BANF2: variants seen among roughly 807,000 people sequenced by gnomAD.
The protein encoded by BANF2 is barrier-to-autointegration factor-like protein.
BANF2 carries 4 observed loss-of-function variants against 8.0 expected under a neutral mutation model. That is an observed-to-expected ratio of 0.50 (90% confidence interval 0.25 to 1.14). BANF2 has a LOEUF of 1.14. Among genes scored for constraint, BANF2 ranks in the 50% most tolerant of loss-of-function variants. BANF2 has a pLI of 0.16. For synonymous variants in BANF2, 50 were observed against 40.6 expected (o/e 1.23, Z -0.88); for missense variants, 96 against 107.5 (o/e 0.89, Z 0.47).
intron 1 of BANF2, chr20:17,712,569 A>G: frequency 1.0e-6 from 1 of 973,492 alleles, no homozygotes; most frequent in South Asian, 4.8e-5. Context: ...CGTGCCCATG[A>G]ACGTTCATCT....
intron 1 of BANF2, among the ~76,000 whole-genome samples, chr20:17,707,161 A>G (rs1300573729): frequency 2.6e-5 from 4 of 152,080 alleles, no homozygotes; most frequent in African/African-American, 7.2e-5. Context: ...AGGCAGGCAG[A>G]TCACGAGGTC....
At chr20:17,694,599 C>CTTTTTTTTTTTTTTTTTTTTTT (rs1256251082) in intron 1 of BANF2, among the ~76,000 whole-genome samples, 11 of 82,782 alleles carry the variant, frequency 1.3e-4, no homozygotes, top group South Asian at 6.3e-4. Context: ...TTTTTTCTCT[C>CTTTTTTTTTTTTTTTTTTTTTT]TCTTTTTTTT....
chr20:17,716,307 G>T (rs150382916), intron 1 of BANF2, among the ~76,000 whole-genome samples: 2,920 of 152,196 alleles, frequency 0.019, 43 homozygotes, highest in Non-Finnish European at 0.029. Context: ...CCGACCTTCA[G>T]TGTTATAGGA....
chr20:17,700,223 A>G (rs1228225553), intron 1 of BANF2, among the ~76,000 whole-genome samples, 168 bp downstream of exon 1: 2 of 152,126 alleles, frequency 1.3e-5, no homozygotes, highest in African/African-American at 4.8e-5. Context: ...GACTCACCTG[A>G]TGCACACACC....
intron 2 of BANF2, 92 bp from the exon 3 acceptor site, chr20:17,724,931 C>A: frequency 7.5e-7 from 1 of 1,331,088 alleles, no homozygotes; most frequent in Non-Finnish European, 1.0e-6. Context: ...TGCCCCAGTC[C>A]CTTGGTGGGC....
At chr20:17,698,500 G>C (rs1196001707), upstream of BANF2, among the ~76,000 whole-genome samples, 1 of 152,242 alleles carries the variant, frequency 6.6e-6, no homozygotes, top group African/African-American at 2.4e-5. Context: ...GGGTCCTCTG[G>C]GACATGGAAC....
At chr20:17,724,930 C>T (rs143505064) in intron 2 of BANF2, 93 bp from the exon 3 acceptor site, 1 of 1,321,434 alleles carries the variant, frequency 7.6e-7, no homozygotes, top group African/African-American at 1.5e-5. Flanking sequence ...TTGCCCCAGT[C>T]CCTTGGTGGG....
At chr20:17,708,948 C>T (rs2037527863) in intron 1 of BANF2, among the ~76,000 whole-genome samples, 2 of 152,126 alleles carry the variant, frequency 1.3e-5, no homozygotes, top group South Asian at 2.1e-4. Flanking sequence ...TATAAAACAC[C>T]AAAAGCTATT....
rs2037880459 is a variant in BANF2, at chr20:17,730,605, C to T, written c.127-5060C>T. 2.0e-5 allele frequency among the ~76,000 whole-genome samples: 3 copies of T among 152,218 alleles called. No homozygotes were observed. The South Asian group carries it at 6.2e-4, about 32-fold the overall frequency. On this transcript the variant is annotated intron_variant, in intron 3 of 3. Transcript: ENST00000246090. The stretch of plus-strand genomic sequence containing the variant: ...TAGCCCTACCTCTAGACTCTCCATG[C>T]TCAGGGGCGTCCCATCTCCTCCCTC...
At chr20:17,707,382 C>CAAAAAAAA (rs374719840) in intron 1 of BANF2, among the ~76,000 whole-genome samples, 16 of 142,394 alleles carry the variant, frequency 1.1e-4, no homozygotes, top group East Asian at 2.0e-4. Context: ...GACTCTGTGT[C>CAAAAAAAA]AAAAAAAAGA....
At chr20:17,706,627 T>C (rs949443722) in intron 1 of BANF2, among the ~76,000 whole-genome samples, 4 of 152,188 alleles carry the variant, frequency 2.6e-5, no homozygotes, top group Non-Finnish European at 5.9e-5. Flanking sequence ...AGGGGATCCT[T>C]AAGTGATGGC....
chr20:17,705,352 C>T (rs1427122092), intron 1 of BANF2, among the ~76,000 whole-genome samples: 4 of 152,166 alleles, frequency 2.6e-5, no homozygotes, highest in Non-Finnish European at 4.4e-5. Context: ...AAACAGAGGG[C>T]GGGAGCCTCA....
intron 3 of BANF2, among the ~76,000 whole-genome samples, chr20:17,725,485 C>T (rs2037795579): frequency 6.6e-6 from 1 of 152,228 alleles, no homozygotes; most frequent in Admixed American, 6.5e-5. Context: ...GATTTAGGTG[C>T]ACTCCATGCC....
chr20:17,710,189 C>T (rs1394656009), intron 1 of BANF2, among the ~76,000 whole-genome samples: 1 of 152,226 alleles, frequency 6.6e-6, no homozygotes, highest in East Asian at 1.9e-4. Flanking sequence ...GCCCTGTCCA[C>T]TTGCAGGGCG....
chr20:17,715,916 T>C (rs1440175603), intron 1 of BANF2, among the ~76,000 whole-genome samples: 2 of 152,258 alleles, frequency 1.3e-5, no homozygotes, highest in African/African-American at 2.4e-5. Flanking sequence ...AAATGATTAC[T>C]GGGGACTCTG....
At chr20:17,701,682 G>T (rs1391259712) in intron 1 of BANF2, among the ~76,000 whole-genome samples, 2 of 152,164 alleles carry the variant, frequency 1.3e-5, no homozygotes, top group Non-Finnish European at 2.9e-5. Context: ...AACTCAGGTG[G>T]GTCACGCCTT....
At chr20:17,716,343 CT>C (rs1160736025) in intron 1 of BANF2, among the ~76,000 whole-genome samples, 2 of 151,894 alleles carry the variant, frequency 1.3e-5, no homozygotes, top group South Asian at 2.1e-4. Flanking sequence ...TTTTCTTTTC[CT>C]TTTTTTTCTT....
intron 1 of BANF2, among the ~76,000 whole-genome samples, chr20:17,714,894 A>C (rs2037629056): frequency 6.6e-6 from 1 of 152,144 alleles, no homozygotes; most frequent in Non-Finnish European, 1.5e-5. Context: ...GTGCCCCCAA[A>C]AAGAATTTCT....
intron 1 of BANF2, among the ~76,000 whole-genome samples, chr20:17,713,419 G>A (rs541379761): frequency 6.6e-6 from 1 of 152,272 alleles, no homozygotes; most frequent in African/African-American, 2.4e-5. Context: ...GTGGAATGGT[G>A]TTTGTCAGGG....
Sources: gnomAD v4.1 joint callset for allele counts (sites outside exome capture counted in the v4.1 genomes callset) on GRCh38, gnomAD v4.1.1 for gene constraint, MANE v1.5 for transcripts, NCBI Gene and HGNC (gene_info 2026-07-23, HGNC 2026-07-21) for gene names.